The following RAB3IL1 variants were observed in gnomAD, a reference collection of about 807,000 sequenced individuals.
The protein encoded by RAB3IL1 is guanine nucleotide exchange factor for Rab-3A.
RAB3IL1 carries 37 observed loss-of-function variants against 49.2 expected under a neutral mutation model. The ratio of observed to expected loss-of-function variants is 0.75; its 90% CI spans 0.58 to 0.99. RAB3IL1 has a LOEUF of 0.99. Among genes scored for constraint, RAB3IL1 ranks in the 50% least tolerant of loss-of-function variants. The pLI is 0.00. For missense variants in RAB3IL1, 484 were observed against 513.0 expected, an observed-to-expected ratio of 0.94 and a Z score of 0.55; for synonymous variants, 193 against 213.9, an observed-to-expected ratio of 0.90 and a Z score of 0.85.
intron 8 of RAB3IL1, chr11:61,899,581 AGCC>A: frequency 1.7e-6 from 1 of 581,088 alleles, no homozygotes; most frequent in Non-Finnish European, 3.1e-6. Flanking sequence ...CAGCAGCAGC[AGCC>A]ATTTCATCAA....
chr11:61,912,326 G>A (rs999286160), intron 1 of RAB3IL1, among the ~76,000 whole-genome samples: 5 of 152,176 alleles, frequency 3.3e-5, no homozygotes, highest in African/African-American at 1.2e-4. Flanking sequence ...CTGAGGGGAC[G>A]GAGGCTCACA....
At chr11:61,934,187 A>C in the RAB3IL1 span, among the ~76,000 whole-genome samples, 3,536 of 151,638 alleles carry the variant, frequency 0.023, 140 homozygotes, top group African/African-American at 0.08. Context: ...TTTGTCATCC[A>C]GGTTGGAGTG....
chr11:61,928,162 GAA>G, the RAB3IL1 span, among the ~76,000 whole-genome samples: 2 of 127,052 alleles, frequency 1.6e-5, no homozygotes, highest in African/African-American at 5.8e-5. Context: ...TCCTGCTACA[GAA>G]AAAAAAAAAA....
chr11:61,937,072 A>T, the RAB3IL1 span, among the ~76,000 whole-genome samples: 1 of 152,176 alleles, frequency 6.6e-6, no homozygotes, highest in African/African-American at 2.4e-5. Flanking sequence ...AAAAGTTAGT[A>T]TTACTGTATT....
At chr11:61,911,971 G>A (rs745900116) in intron 1 of RAB3IL1, among the ~76,000 whole-genome samples, 6 of 152,156 alleles carry the variant, frequency 3.9e-5, no homozygotes, top group Non-Finnish European at 7.4e-5. Flanking sequence ...CGTGGCCCTC[G>A]GTCTCTCAGT....
Position 61,899,421 on chromosome 11 carries a change from C to T in RAB3IL1, c.1000-41G>A, listed in dbSNP as rs377097319. ...GGGACGGTGTGACCTGCCAGCCCCA[C>T]GCTGGGGGTCCCCTGACAGGCGGAT... is the stretch of plus-strand genomic sequence containing the variant. On this transcript the variant is annotated intron_variant, in intron 8 of 9. Transcript: ENST00000394836. 24 of 1,581,122 alleles carry T rather than the reference C, an allele frequency of 1.5e-5. No individual in the cohort carries two copies. In the Middle Eastern group the frequency reaches 8.3e-4, roughly 55 times the overall value.
chr11:61,945,404 G>A, the RAB3IL1 span, among the ~76,000 whole-genome samples: 606 of 152,334 alleles, frequency 4.0e-3, 1 homozygote, highest in African/African-American at 0.013. Flanking sequence ...AGTGCTCGCC[G>A]TGGAAGCGAA....
chr11:61,943,947 T>G, the RAB3IL1 span, among the ~76,000 whole-genome samples: 2 of 152,230 alleles, frequency 1.3e-5, no homozygotes, highest in Non-Finnish European at 2.9e-5. Context: ...TTTGTTTTGT[T>G]TTAAACTGCT....
At chr11:61,938,941 T>TAATAAATA in the RAB3IL1 span, among the ~76,000 whole-genome samples, 190 of 150,592 alleles carry the variant, frequency 1.3e-3, no homozygotes, top group Admixed American at 2.5e-3. Flanking sequence ...TAAAAAAAAG[T>TAATAAATA]AATAAATAAA....
chr11:61,935,716 T>C, the RAB3IL1 span, among the ~76,000 whole-genome samples: 1 of 151,942 alleles, frequency 6.6e-6, no homozygotes, highest in Non-Finnish European at 1.5e-5. Context: ...AGTTTCACTA[T>C]GTTGGCCAGG....
At chr11:61,910,701 T>C (rs934437824) in intron 1 of RAB3IL1, among the ~76,000 whole-genome samples, 2 of 152,148 alleles carry the variant, frequency 1.3e-5, no homozygotes. Context: ...CTGTGGACCC[T>C]TGCCAAGAAG....
At chr11:61,927,227 C>A in the RAB3IL1 span, among the ~76,000 whole-genome samples, 20 of 152,130 alleles carry the variant, frequency 1.3e-4, no homozygotes, top group Admixed American at 2.6e-4. Flanking sequence ...CATGCCCCCC[C>A]CTTAACCTTC....
upstream of RAB3IL1, among the ~76,000 whole-genome samples, chr11:61,918,752 A>G (rs548906100): frequency 1.3e-5 from 2 of 152,322 alleles, no homozygotes; most frequent in East Asian, 3.9e-4. Context: ...AGTGGAGGCG[A>G]GGCTGGATTC....
In RAB3IL1 at chr11:61,904,451, C is replaced by T. The variant is rs143237698; in HGVS notation, c.899+95G>A. On this transcript the variant is annotated intron_variant, in intron 7 of 9. Transcript: ENST00000394836. ...GCAGCAACTGTCCCTGTCCTGTCGG[C>T]GCTGCTGCATCCTGACCACCCCTCG... 1,791 of 1,219,594 alleles carry T rather than the reference C, an allele frequency of 1.5e-3. 1 individual carries two copies. The highest frequency in any genetic ancestry group is 1.9e-3 in the Non-Finnish European group (1,589 of 846,710). 75.5% of individuals were successfully genotyped at this position (1,219,594 alleles called of 1,614,324 possible).
rs376769767 is a variant in RAB3IL1, at chr11:61,902,431, G to T, written c.999+11C>A. 837 of 1,578,096 alleles carry T rather than the reference G, an allele frequency of 5.3e-4. 10 individuals are homozygous for T. In the South Asian group the frequency reaches 9.1e-3, roughly 17 times the overall value. On this transcript the variant is annotated intron_variant, in intron 8 of 9. Coordinates refer to ENST00000394836, the MANE Select transcript of RAB3IL1 (RefSeq NM_013401.4). The stretch of plus-strand genomic sequence containing the variant: ...AAAGGAGTCAAGTAACGCTTGCAAA[G>T]GCTGACTCACCCTGGCCCGGGAAGA...
At chr11:61,911,407 G>C (rs968248367) in intron 1 of RAB3IL1, among the ~76,000 whole-genome samples, 4 of 152,156 alleles carry the variant, frequency 2.6e-5, no homozygotes, top group Non-Finnish European at 4.4e-5. Flanking sequence ...GCCAACTCCT[G>C]AGACTCAGAA....
Position 61,902,430 on chromosome 11 carries a change from A to C in RAB3IL1, c.999+12T>G. The C allele has an allele frequency of 1.9e-6, 3 of 1,577,452 alleles. No individual in the cohort carries two copies. The highest frequency in any genetic ancestry group is 2.6e-6 in the Non-Finnish European group (3 of 1,162,480). On this transcript the variant is annotated intron_variant, in intron 8 of 9. Coordinates refer to ENST00000394836, the MANE Select transcript of RAB3IL1 (RefSeq NM_013401.4). ...CAAAGGAGTCAAGTAACGCTTGCAA[A>C]GGCTGACTCACCCTGGCCCGGGAAG...
At chr11:61,907,982 G>A in intron 2 of RAB3IL1, 72 bp downstream of exon 2, 1 of 1,533,104 alleles carries the variant, frequency 6.5e-7, no homozygotes, top group East Asian at 2.3e-5. Flanking sequence ...CTGGGCACCT[G>A]ATGAGAGCCC....
chr11:61,942,992 A>C, the RAB3IL1 span, among the ~76,000 whole-genome samples: 2 of 152,224 alleles, frequency 1.3e-5, no homozygotes, highest in Non-Finnish European at 2.9e-5. Flanking sequence ...TTTTTTGCAG[A>C]AATGGGCAAG....
Sources: allele counts gnomAD v4.1 joint callset (sites outside exome capture counted in the v4.1 genomes callset), GRCh38; gene constraint gnomAD v4.1.1; transcripts MANE v1.5; gene names NCBI Gene and HGNC (gene_info 2026-07-23, HGNC 2026-07-21).